CYYR1: variants seen among roughly 807,000 people sequenced by gnomAD.
CYYR1 encodes the protein cysteine and tyrosine rich 1, also known as cysteine and tyrosine-rich protein 1.
CYYR1 carries 14 observed loss-of-function variants against 15.2 expected under a neutral mutation model. The observed-to-expected ratio is 0.92, with a 90% CI of 0.61 to 1.44. The LOEUF (loss-of-function observed/expected upper bound fraction) is 1.44, where lower values mean the gene tolerates loss of function less well. Ranked by LOEUF, CYYR1 falls within the 40% of genes most tolerant of loss-of-function variation. The pLI is 0.00. For synonymous variants in CYYR1, 80 were observed against 77.4 expected, an observed-to-expected ratio of 1.03 and a Z score of -0.18; for missense variants, 228 against 209.5, an observed-to-expected ratio of 1.09 and a Z score of -0.54.
intron 2 of CYYR1, among the ~76,000 whole-genome samples, chr21:26,536,237 G>A (rs185365429): frequency 7.2e-5 from 11 of 152,186 alleles, no homozygotes; most frequent in Admixed American, 4.6e-4. Context: ...TGACACATGC[G>A]GATTACAATT....
Position 26,573,131 on chromosome 21 carries a change from C to A in CYYR1, c.-191G>T, listed in dbSNP as rs1332257227. The A allele has an allele frequency of 6.7e-7, 1 of 1,501,228 alleles. No homozygotes were observed. The highest frequency in any genetic ancestry group is 2.1e-5 in the Admixed American group (1 of 46,626). 93.0% of individuals were successfully genotyped at this position (1,501,228 alleles called of 1,614,324 possible). On this transcript the variant is annotated 5_prime_UTR_variant, in exon 1 of 4. Transcript: ENST00000652641. The stretch of plus-strand genomic sequence containing the variant: ...GTCCCGGGCCAGCGACTGCGGGACT[C>A]CGCGGAGCTGGGGCGCCCGTGGCCC...
At chr21:26,567,661 C>T (rs1166864873) in intron 1 of CYYR1, among the ~76,000 whole-genome samples, 1 of 151,840 alleles carries the variant, frequency 6.6e-6, no homozygotes, top group Non-Finnish European at 1.5e-5. Context: ...AGCTCAATTC[C>T]TGAAGGTAAT....
intron 2 of CYYR1, among the ~76,000 whole-genome samples, chr21:26,527,394 C>T (rs1181910378): frequency 2.0e-5 from 3 of 152,120 alleles, no homozygotes; most frequent in Non-Finnish European, 4.4e-5. Flanking sequence ...ACCCAATTTA[C>T]ATAACCAAAT....
chr21:26,504,595 A>G (rs921775717), intron 2 of CYYR1, among the ~76,000 whole-genome samples: 1 of 152,222 alleles, frequency 6.6e-6, no homozygotes, highest in African/African-American at 2.4e-5. Context: ...GCAATGTGAA[A>G]TAAGTACATC....
chr21:26,483,549 C>T, intron 2 of CYYR1: 1 of 430,742 alleles, frequency 2.3e-6, no homozygotes, highest in Non-Finnish European at 3.1e-6. Context: ...CATTTTTCTC[C>T]ATGAAAGCAT....
intron 3 of CYYR1, among the ~76,000 whole-genome samples, chr21:26,477,124 G>A (rs1382579322): frequency 6.6e-6 from 1 of 152,062 alleles, no homozygotes; most frequent in African/African-American, 2.4e-5. Flanking sequence ...GCTAAATTAT[G>A]CTCTCTGCAT....
chr21:26,535,117 A>C (rs1002767314), intron 2 of CYYR1, among the ~76,000 whole-genome samples: 3 of 152,110 alleles, frequency 2.0e-5, no homozygotes, highest in Admixed American at 2.0e-4. Flanking sequence ...GTTTGGGGGA[A>C]GGGAGCAAAT....
At chr21:26,475,099 T>A (rs527669680) in intron 3 of CYYR1, among the ~76,000 whole-genome samples, 1 of 152,202 alleles carries the variant, frequency 6.6e-6, no homozygotes. Context: ...TCACTTTGAG[T>A]AAATGACCAT....
intron 2 of CYYR1, among the ~76,000 whole-genome samples, chr21:26,515,780 G>A (rs1046347850): frequency 5.3e-5 from 8 of 152,168 alleles, no homozygotes; most frequent in African/African-American, 1.9e-4. Flanking sequence ...TGCTTATACT[G>A]TCATTCACAC....
chr21:26,495,593 G>C (rs2065388522), intron 2 of CYYR1, among the ~76,000 whole-genome samples: 1 of 152,148 alleles, frequency 6.6e-6, no homozygotes, highest in South Asian at 2.1e-4. Context: ...TCCTGGAGCA[G>C]ATCTGCGTGA....
chr21:26,484,213 CAAGG>C (rs2065222230), intron 2 of CYYR1, among the ~76,000 whole-genome samples: 1 of 152,052 alleles, frequency 6.6e-6, no homozygotes, highest in Admixed American at 6.6e-5. Context: ...CACAAAAGCC[CAAGG>C]TTGGTTCAGG....
At chr21:26,568,135 C>A (rs1980769320) in intron 1 of CYYR1, 1 of 152,126 alleles carries the variant, frequency 6.6e-6, no homozygotes, top group Admixed American at 6.5e-5. Context: ...ACAATAGATG[C>A]TTTTTGCAGA....
At chr21:26,544,942 A>G (rs1365688614) in intron 2 of CYYR1, among the ~76,000 whole-genome samples, 2 of 152,058 alleles carry the variant, frequency 1.3e-5, no homozygotes, top group African/African-American at 4.8e-5. Flanking sequence ...GTGAGACCCT[A>G]TCTCAACAAA....
At chr21:26,476,578 T>TATC (rs1472905242) in intron 3 of CYYR1, among the ~76,000 whole-genome samples, 5 of 135,900 alleles carry the variant, frequency 3.7e-5, no homozygotes, top group Non-Finnish European at 6.2e-5. Context: ...TTGTCTACCC[T>TATC]ATCTATCATC....
intron 2 of CYYR1, among the ~76,000 whole-genome samples, chr21:26,535,482 A>T (rs1304833679): frequency 6.6e-6 from 1 of 152,200 alleles, no homozygotes; most frequent in African/African-American, 2.4e-5. Context: ...TAATTTTGCT[A>T]TTATAAACAA....
At position 26,573,027 on chromosome 21, in the gene CYYR1, G is replaced by T. The variant is rs781279668; in HGVS notation, c.-87C>A. 3 of 1,607,352 alleles carry T rather than the reference G, an allele frequency of 1.9e-6. No homozygotes were observed. The East Asian group carries it at 6.7e-5, about 36-fold the overall frequency. ...GATGGAGGGCGATCAGATGGAGAGA[G>T]CAGCGCTCCTGAGAGCCGGGTGGAG... On this transcript the variant is annotated 5_prime_UTR_variant, in exon 1 of 4. Transcript: ENST00000652641.
At chr21:26,531,517 G>A (rs2065930285) in intron 2 of CYYR1, among the ~76,000 whole-genome samples, 1 of 152,038 alleles carries the variant, frequency 6.6e-6, no homozygotes, top group African/African-American at 2.4e-5. Flanking sequence ...TTGTTTAAAA[G>A]TGCAGCATTT....
At chr21:26,571,430 G>C (rs1445034948) in intron 1 of CYYR1, among the ~76,000 whole-genome samples, 1 of 152,236 alleles carries the variant, frequency 6.6e-6, no homozygotes, top group Non-Finnish European at 1.5e-5. Context: ...CCTGAGCCCT[G>C]AGGAGCTGGG....
At chr21:26,521,118 A>T (rs541746212) in intron 2 of CYYR1, among the ~76,000 whole-genome samples, 4 of 152,332 alleles carry the variant, frequency 2.6e-5, no homozygotes, top group Admixed American at 2.6e-4. Context: ...TAGGTTCAGC[A>T]AACCACCATG....
Sources: allele counts gnomAD v4.1 joint callset (sites outside exome capture counted in the v4.1 genomes callset), GRCh38; gene constraint gnomAD v4.1.1; transcripts MANE v1.5; gene names NCBI Gene and HGNC (gene_info 2026-07-23, HGNC 2026-07-21).